The following PDZD8 variants were observed in gnomAD, a reference collection of about 807,000 sequenced individuals.
PDZD8 encodes the protein PDZ domain containing 8.
In PDZD8, 14 loss-of-function variants were observed where a neutral mutation model predicts 85.8. The ratio of observed to expected loss-of-function variants is 0.16; its 90% CI spans 0.11 to 0.26. PDZD8 has a LOEUF of 0.26. Ranked by LOEUF, PDZD8 falls within the 10% of genes least tolerant of loss-of-function variation. The probability of loss-of-function intolerance (pLI) is 1.00; values close to 1 mark genes in which losing one functional copy is unlikely to be tolerated. For missense variants in PDZD8, 1,197 were observed against 1,424.3 expected, an observed-to-expected ratio of 0.84 and a Z score of 2.57; for synonymous variants, 592 against 568.6, an observed-to-expected ratio of 1.04 and a Z score of -0.59.
rs901880887 is a variant in PDZD8 at position 117,281,490 on chromosome 10, G to C, written c.*1778C>G. 1.3e-5 allele frequency: 2 copies of C among 150,956 alleles called. No individual in the cohort carries two copies. Among genetic ancestry groups the C allele is most frequent in the South Asian group, 4.3e-4 (2 of 4,702 alleles). The allele number at this position is 150,956 out of a possible 1,614,324, so 9.4% of individuals were successfully genotyped here. A position where few individuals can be genotyped will look rare whatever the true frequency, so the allele number is the denominator to read the frequency against. On this transcript the variant is annotated 3_prime_UTR_variant, in exon 5 of 5. Transcript: ENST00000334464. ...GTACCTGAAATTTTCGCTTACTAAA[G>C]TAACAAAAGGCATGAGACTTGGCTA...
intron 1 of PDZD8, among the ~76,000 whole-genome samples, chr10:117,370,884 T>C (rs1012170502): frequency 6.6e-6 from 1 of 151,640 alleles, no homozygotes; most frequent in African/African-American, 2.4e-5. Flanking sequence ...GATGGCATGC[T>C]TTTAAAAAAT....
rs1249890420 is a variant in PDZD8 at position 117,279,249 on chromosome 10, A to G, written c.*4019T>C. 6.6e-6 allele frequency: 1 copy of G among 152,224 alleles called. No individual in the cohort carries two copies. The highest frequency in any genetic ancestry group is 1.9e-4 in the East Asian group (1 of 5,200). 9.4% of individuals were successfully genotyped at this position (152,224 alleles called of 1,614,324 possible). A position where few individuals can be genotyped will look rare whatever the true frequency, so the allele number is the denominator to read the frequency against. On this transcript the variant is annotated 3_prime_UTR_variant, in exon 5 of 5. Coordinates refer to ENST00000334464, the MANE Select transcript of PDZD8 (RefSeq NM_173791.5). The stretch of plus-strand genomic sequence containing the variant: ...GGTGTTTTTTTAAAATGTACATACC[A>G]GAACAAAGAACATACAGCTCTCTGA...
intron 3 of PDZD8, among the ~76,000 whole-genome samples, chr10:117,300,397 T>G (rs929204890): frequency 2.0e-5 from 3 of 152,216 alleles, no homozygotes; most frequent in African/African-American, 7.2e-5. Flanking sequence ...GTAGAAATAT[T>G]TGTTAATGCC....
At chr10:117,348,525 C>G (rs1053276518) in intron 1 of PDZD8, among the ~76,000 whole-genome samples, 2 of 152,192 alleles carry the variant, frequency 1.3e-5, no homozygotes, top group African/African-American at 4.8e-5. Flanking sequence ...AGTCGAAGAT[C>G]AGGGTACAGA....
intron 1 of PDZD8, among the ~76,000 whole-genome samples, chr10:117,346,065 A>C (rs890062986): frequency 1.3e-5 from 2 of 151,946 alleles, no homozygotes; most frequent in Non-Finnish European, 2.9e-5. Flanking sequence ...ATATGATGAA[A>C]TCCCGTCTCT....
chr10:117,301,319 T>A (rs886282081), intron 3 of PDZD8, among the ~76,000 whole-genome samples: 1 of 152,132 alleles, frequency 6.6e-6, no homozygotes, highest in African/African-American at 2.4e-5. Context: ...AGTATACAAA[T>A]CACCTTTGTT....
intron 2 of PDZD8, among the ~76,000 whole-genome samples, chr10:117,329,330 T>G (rs1844375500): frequency 6.6e-6 from 1 of 152,244 alleles, no homozygotes; most frequent in Non-Finnish European, 1.5e-5. Context: ...CTATTACCTC[T>G]GTGAAATTTC....
intron 2 of PDZD8, among the ~76,000 whole-genome samples, chr10:117,339,222 T>C (rs1013227853): frequency 6.6e-6 from 1 of 151,268 alleles, no homozygotes. Context: ...GTATTAGATA[T>C]AAAATATAAC....
intron 3 of PDZD8, among the ~76,000 whole-genome samples, chr10:117,315,989 A>C (rs1350614361): frequency 3.3e-5 from 5 of 152,210 alleles, no homozygotes; most frequent in Non-Finnish European, 7.3e-5. Flanking sequence ...ATGGACCCGA[A>C]ATAAATCACA....
At chr10:117,305,862 T>C (rs1843934614) in intron 3 of PDZD8, among the ~76,000 whole-genome samples, 1 of 152,196 alleles carries the variant, frequency 6.6e-6, no homozygotes. Flanking sequence ...AGCATGGCTT[T>C]GTTCTAAGAG....
chr10:117,342,383 CACAA>C (rs1021730232), intron 1 of PDZD8, among the ~76,000 whole-genome samples: 1 of 125,676 alleles, frequency 8.0e-6, no homozygotes, highest in Non-Finnish European at 1.6e-5. Context: ...TTACTGACCA[CACAA>C]ACAGATACAC....
intron 2 of PDZD8, among the ~76,000 whole-genome samples, chr10:117,340,381 A>T (rs1484833850): frequency 1.3e-5 from 2 of 152,188 alleles, no homozygotes; most frequent in East Asian, 1.9e-4. Flanking sequence ...ATCGTCCTTT[A>T]CCATCCTCCA....
chr10:117,352,034 T>C (rs1844813522), intron 1 of PDZD8, among the ~76,000 whole-genome samples: 1 of 152,200 alleles, frequency 6.6e-6, no homozygotes, highest in Non-Finnish European at 1.5e-5. Flanking sequence ...ATATTTAAAT[T>C]TATACTTACA....
Position 117,284,018 on chromosome 10 carries a change from A to C in PDZD8, c.2715T>G (p.Leu905=). Residue 905 remains leucine (L), a synonymous_variant, in exon 5 of 5, where the codon CTT becomes CTG. Transcript: ENST00000334464. ...AGAGGGTTTCCTGTCCTTCCAGCCT[A>C]AGGTTTTTCAGTGTCCTGTCTATTC... ...DRRIDRTLKN[L]RLEGQETLLG... 7 of 1,614,164 alleles carry C rather than the reference A, an allele frequency of 4.3e-6. No individual in the cohort carries two copies. Among genetic ancestry groups the C allele is most frequent in the Non-Finnish European group, 5.9e-6 (7 of 1,180,016 alleles).
intron 1 of PDZD8, among the ~76,000 whole-genome samples, chr10:117,343,108 G>T (rs1844645006): frequency 6.6e-6 from 1 of 152,128 alleles, no homozygotes; most frequent in East Asian, 1.9e-4. Context: ...ACACTATCAG[G>T]ATTTGAGTAT....
intron 3 of PDZD8, among the ~76,000 whole-genome samples, chr10:117,307,239 T>A (rs532983141): frequency 8.9e-6 from 1 of 111,940 alleles, no homozygotes; most frequent in African/African-American, 2.7e-5. Context: ...TCTTTATAGG[T>A]TTCTAATTTT....
At chr10:117,295,987 T>G (rs534910832) in intron 3 of PDZD8, among the ~76,000 whole-genome samples, 2 of 149,634 alleles carry the variant, frequency 1.3e-5, no homozygotes, top group Non-Finnish European at 3.0e-5. Flanking sequence ...GTCAGTGTAA[T>G]GAAAAAAAAA....
Position 117,285,287 on chromosome 10 carries a change from A to C in PDZD8, c.1446T>G (p.Ala482=). ...TTTCAGTATCTACTGTCAACCCGGC[A>C]GCTTCCTCTTCATAACCCGATTGGC... The part of the protein sequence containing the change: ...SSCQSGYEEE[A]AGLTVDTESR... The change falls in exon 5 of 5, where the codon GCT becomes GCG. Residue 482 remains alanine (A), a synonymous_variant. Transcript: ENST00000334464. 1.9e-6 allele frequency: 3 copies of C among 1,614,170 alleles called. No individual in the cohort carries two copies. The highest frequency in any genetic ancestry group is 2.5e-6 in the Non-Finnish European group (3 of 1,180,026).
chr10:117,306,402 T>C (rs1004346236), intron 3 of PDZD8, among the ~76,000 whole-genome samples: 3 of 152,200 alleles, frequency 2.0e-5, no homozygotes, highest in African/African-American at 4.8e-5. Flanking sequence ...CAATGATTGA[T>C]GTTGGAAATA....
Sources: gnomAD v4.1 joint callset for allele counts (sites outside exome capture counted in the v4.1 genomes callset) on GRCh38, gnomAD v4.1.1 for gene constraint, MANE v1.5 for transcripts, NCBI Gene and HGNC (gene_info 2026-07-23, HGNC 2026-07-21) for gene names.